The following PLXNA1 variants were observed in gnomAD, a reference collection of about 807,000 sequenced individuals.
The protein encoded by PLXNA1 is plexin-A1.
PLXNA1 carries 77 observed loss-of-function variants against 191.7 expected under a neutral mutation model. That is an observed-to-expected ratio of 0.40 (90% CI 0.33 to 0.49). The LOEUF is 0.49. Among genes scored for constraint, PLXNA1 ranks in the 20% least tolerant of loss-of-function variants. The pLI is 0.63. For missense variants in PLXNA1, 2,110 were observed against 2,660.2 expected (o/e 0.79, Z 4.55); for synonymous variants, 1,137 against 1,156.4 (o/e 0.98, Z 0.34).
chr3:127,026,061 T>C (rs975824936), intron 23 of PLXNA1, among the ~76,000 whole-genome samples: 1 of 152,244 alleles, frequency 6.6e-6, no homozygotes, highest in Non-Finnish European at 1.5e-5. Context: ...AAAGTGGCAC[T>C]TTTTGTTGGG....
At position 127,003,121 on chromosome 3, in the gene PLXNA1, G is replaced by T. The variant is rs573573717; in HGVS notation, c.1378-209G>T. 8.1e-5 allele frequency among the ~76,000 whole-genome samples: 12 copies of T among 148,384 alleles called. No homozygotes were observed. The East Asian group carries it at 2.4e-3, about 29-fold the overall frequency. The stretch of plus-strand genomic sequence containing the variant: ...CTGAATCACAGACTGGCCTGTTGGG[G>T]TCTGAGTTTGCCCTGCACTGGGGCT... On this transcript the variant is annotated intron_variant, in intron 3 of 31. Coordinates refer to ENST00000393409, the MANE Select transcript of PLXNA1 (RefSeq NM_032242.4).
At chr3:127,013,886 G>A (rs2079107776) in intron 10 of PLXNA1, 134 bp from the exon 11 acceptor site, 5 of 771,134 alleles carry the variant, frequency 6.5e-6, no homozygotes, top group Non-Finnish European at 1.2e-5. Flanking sequence ...TGTGTAGGAT[G>A]AGGGTGGAGA....
At chr3:127,011,628 C>A (rs751412049) in intron 9 of PLXNA1, among the ~76,000 whole-genome samples, 1 of 152,150 alleles carries the variant, frequency 6.6e-6, no homozygotes, top group Middle Eastern at 3.2e-3. Context: ...GGGCCCCCAG[C>A]GCAGAGCCTG....
intron 10 of PLXNA1, 104 bp downstream of exon 10, chr3:127,012,262 G>C: frequency 1.7e-6 from 2 of 1,152,886 alleles, no homozygotes; most frequent in Non-Finnish European, 2.5e-6. Context: ...GGCAGTGCAC[G>C]TGCTCACGTG....
intron 29 of PLXNA1, among the ~76,000 whole-genome samples, chr3:127,032,153 C>T (rs67648919): frequency 0.1 from 15,630 of 152,276 alleles, 888 homozygotes; most frequent in Middle Eastern, 0.22. Flanking sequence ...CGTTTGAGCA[C>T]GCCTATCTCA....
In PLXNA1 at chr3:127,005,020, A is replaced by T. The variant is rs2079059001; in HGVS notation, c.1743+12A>T. ...TGTCCCAGGTCCCAGTAAGTGTGGC[A>T]CCCCAGGTGGTAAGGGGTGGGGGAC... is the stretch of plus-strand genomic sequence containing the variant. On this transcript the variant is annotated intron_variant, in intron 6 of 31. Transcript: ENST00000393409. The T allele has an allele frequency of 6.2e-7, 1 of 1,608,466 alleles. No homozygotes were observed. The highest frequency in any genetic ancestry group is 2.2e-5 in the East Asian group (1 of 44,748).
chr3:126,986,577 G>A (rs770349431), intron 1 of PLXNA1, among the ~76,000 whole-genome samples: 5 of 152,202 alleles, frequency 3.3e-5, no homozygotes, highest in East Asian at 3.8e-4. Flanking sequence ...GCTCACTCAC[G>A]GGGATTTATT....
At chr3:126,985,859 C>T (rs542636515) in intron 1 of PLXNA1, among the ~76,000 whole-genome samples, 4 of 152,344 alleles carry the variant, frequency 2.6e-5, no homozygotes, top group African/African-American at 9.6e-5. Context: ...GTGGCCCAAG[C>T]ATTGTCACTG....
Position 127,034,591 on chromosome 3 carries a change from C to G in PLXNA1, c.*574C>G, listed in dbSNP as rs2079230004. ...CCGACTCCCACCTCCAGCACCCATGCCCGCTGCACCGCTGCCATCCTCAGA... is the reference window on the plus strand; with the variant it reads ...CCGACTCCCACCTCCAGCACCCATGGCCGCTGCACCGCTGCCATCCTCAGA... On this transcript the variant is annotated 3_prime_UTR_variant, in exon 32 of 32. Coordinates refer to ENST00000393409, the MANE Select transcript of PLXNA1 (RefSeq NM_032242.4). 1 of 152,786 alleles carries G rather than the reference C, an allele frequency of 6.5e-6. No homozygotes were observed. Among genetic ancestry groups the G allele is most frequent in the Non-Finnish European group, 1.5e-5 (1 of 68,156 alleles). The allele number at this position is 152,786 out of a possible 1,614,324, so 9.5% of individuals were successfully genotyped here.
intron 15 of PLXNA1, among the ~76,000 whole-genome samples, chr3:127,016,316 G>A (rs546195596): frequency 1.9e-4 from 29 of 152,266 alleles, no homozygotes; most frequent in Non-Finnish European, 3.8e-4. Context: ...AACAGTGGGG[G>A]CCTGAAGGGG....
chr3:127,003,383 C>T lies in PLXNA1; in HGVS notation c.1431C>T (p.Ser477=), dbSNP rs769829975. Residue 477 remains serine, a synonymous_variant, in exon 4 of 32, where the codon AGC becomes AGT. Coordinates refer to ENST00000393409, the MANE Select transcript of PLXNA1 (RefSeq NM_032242.4). ...GCCGGCCTGCCCTGGCCTACGAGAG[C>T]GTCGTGGCCCAGGAGGGCAGCCCCA... The part of the protein sequence containing the change: ...PGGRPALAYE[S]VVAQEGSPIL... 27 of 1,611,784 alleles carry T rather than the reference C, an allele frequency of 1.7e-5. No individual in the cohort carries two copies. Among genetic ancestry groups the T allele is most frequent in the East Asian group, 2.2e-5 (1 of 44,840 alleles).
intron 3 of PLXNA1, among the ~76,000 whole-genome samples, chr3:126,992,570 G>T (rs565949290): frequency 1.3e-5 from 2 of 151,986 alleles, no homozygotes; most frequent in Middle Eastern, 3.2e-3. Flanking sequence ...TCTGGGAGGG[G>T]ATCCCCTGCA....
rs1177737315 is a variant in PLXNA1, at chr3:126,989,313, G to A, written c.720G>A (p.Pro240=). The A allele has an allele frequency of 1.4e-5, 22 of 1,613,530 alleles. No homozygotes were observed. The highest frequency in any genetic ancestry group is 6.7e-5 in the African/African-American group (5 of 74,950). Residue 240 remains proline, a synonymous_variant, in exon 2 of 32, where the codon CCG becomes CCA. Coordinates refer to ENST00000393409, the MANE Select transcript of PLXNA1 (RefSeq NM_032242.4). ...KIPSDTLSKF[P]AFDIYYVYSF... ...CTTCGGACACGCTGTCCAAGTTCCC[G>A]GCCTTTGACATCTACTATGTGTACA... is the stretch of plus-strand genomic sequence containing the variant.
At chr3:127,031,821 C>G (rs2079212909) in intron 29 of PLXNA1, 1 of 158,560 alleles carries the variant, frequency 6.3e-6, no homozygotes, top group African/African-American at 2.4e-5. Context: ...CATTCTAGAC[C>G]CGTGCTGTCC....
At position 127,003,323 on chromosome 3, in the gene PLXNA1, G is replaced by A. The variant is rs2079049751; in HGVS notation, c.1378-7G>A. The A allele has an allele frequency of 6.3e-7, 1 of 1,586,498 alleles. No individual in the cohort carries two copies. The highest frequency in any genetic ancestry group is 8.6e-7 in the Non-Finnish European group (1 of 1,161,298). ...ACAGCTCCAGTTAGGGCCCCTTGCTGCCGCAGATCCTGGTGGACCTCTCAA... is the reference window on the plus strand; with the variant it reads ...ACAGCTCCAGTTAGGGCCCCTTGCTACCGCAGATCCTGGTGGACCTCTCAA... On this transcript the variant is annotated splice_region_variant and splice_polypyrimidine_tract_variant and intron_variant, in intron 3 of 31. Transcript: ENST00000393409.
rs574438166 is a variant in PLXNA1, at chr3:126,988,609, C to G, written c.16C>G (p.Arg6Gly). MPLPP[R>G]SLQVLLLLLL... The stretch of plus-strand genomic sequence containing the variant: ...CCAGCCTGCCATGCCGCTGCCACCG[C>G]GGAGCCTGCAGGTGCTCCTGCTGCT... The change falls in exon 2 of 32, where the codon CGG (arginine) becomes GGG (glycine). Residue 6 changes from arginine (R) to glycine (G), a missense_variant. Coordinates refer to ENST00000393409, the MANE Select transcript of PLXNA1 (RefSeq NM_032242.4). 3.1e-5 allele frequency: 48 copies of G among 1,541,410 alleles called. No homozygotes were observed. The highest frequency in any genetic ancestry group is 4.2e-5 in the Non-Finnish European group (48 of 1,146,090).
chr3:126,994,890 A>AG (rs2079007653), intron 3 of PLXNA1, among the ~76,000 whole-genome samples: 1 of 151,954 alleles, frequency 6.6e-6, no homozygotes, highest in African/African-American at 2.4e-5. Flanking sequence ...TCCTTCCCTG[A>AG]GGCAGCTGGC....
chr3:127,017,037 C>T lies in PLXNA1; in HGVS notation c.3276C>T (p.Asn1092=), dbSNP rs368234275. ...RAKYGGIERE[N]GCLVYNDTTM... is the part of the protein sequence containing the mutation. ...AGTATGGAGGCATTGAGAGGGAGAA[C>T]GTGAGTCCCTGCCCTCAGCTGCCCA... Residue 1092 remains asparagine, a splice_region_variant and synonymous_variant, in exon 17 of 32, where the codon AAC becomes AAT. Coordinates refer to ENST00000393409, the MANE Select transcript of PLXNA1 (RefSeq NM_032242.4). The T allele has an allele frequency of 1.2e-5, 20 of 1,612,220 alleles. No homozygotes were observed. Among genetic ancestry groups the T allele is most frequent in the East Asian group, 1.1e-4 (5 of 44,886 alleles).
intron 20 of PLXNA1, 83 bp downstream of exon 20, chr3:127,018,611 C>A (rs549050772): frequency 3.9e-6 from 4 of 1,019,944 alleles, no homozygotes; most frequent in East Asian, 2.5e-5. Context: ...TTCCCACCGC[C>A]GCCCCCACCC....
Sources: gnomAD v4.1 joint callset for allele counts (sites outside exome capture counted in the v4.1 genomes callset) on GRCh38, gnomAD v4.1.1 for gene constraint, MANE v1.5 for transcripts, NCBI Gene and HGNC (gene_info 2026-07-23, HGNC 2026-07-21) for gene names.